Variants in CMTM8 observed in about 807,000 individuals in gnomAD.
CMTM8 encodes CKLF-like MARVEL transmembrane domain-containing protein 8.
A neutral mutation model predicts 18.6 loss-of-function variants in CMTM8; 12 were observed. That is an observed-to-expected ratio of 0.65 (90% CI 0.41 to 1.05). The LOEUF (loss-of-function observed/expected upper bound fraction) is 1.05, where lower values mean the gene tolerates loss of function less well. Ranked by LOEUF, CMTM8 falls within the 50% of genes least tolerant of loss-of-function variation. The probability of loss-of-function intolerance (pLI) is 0.00; values close to 1 mark genes in which losing one functional copy is unlikely to be tolerated. For missense variants in CMTM8, 217 were observed against 227.2 expected, an observed-to-expected ratio of 0.95 and a Z score of 0.29; for synonymous variants, 87 against 90.6, an observed-to-expected ratio of 0.96 and a Z score of 0.23.
At chr3:32,250,872 C>T (rs1053526104) in intron 1 of CMTM8, among the ~76,000 whole-genome samples, 6 of 152,084 alleles carry the variant, frequency 3.9e-5, no homozygotes, top group African/African-American at 1.4e-4. Flanking sequence ...GGATTACAGC[C>T]GTCAGCCATC....
At chr3:32,314,866 G>C (rs1010842059) in intron 1 of CMTM8, among the ~76,000 whole-genome samples, 1 of 148,640 alleles carries the variant, frequency 6.7e-6, no homozygotes, top group Non-Finnish European at 1.5e-5. Context: ...GGCGGGGGGG[G>C]TCCAACTGAG....
chr3:32,361,286 G>GTTTTTTTTTTGTTTTTTTTTTGT (rs58364646), intron 2 of CMTM8, among the ~76,000 whole-genome samples: 1,835 of 86,902 alleles, frequency 0.021, 80 homozygotes, highest in African/African-American at 0.069. Flanking sequence ...CAGCCTAAGA[G>GTTTTTTTTTTGTTTTTTTTTTGT]TTTTTTTTTC....
At chr3:32,240,412 A>T (rs1301242152) in intron 1 of CMTM8, among the ~76,000 whole-genome samples, 1 of 152,230 alleles carries the variant, frequency 6.6e-6, no homozygotes, top group Non-Finnish European at 1.5e-5. Flanking sequence ...GGAGTTCAAC[A>T]AATATTTGCT....
chr3:32,347,292 C>A (rs1208015206), intron 1 of CMTM8, among the ~76,000 whole-genome samples: 1 of 88,486 alleles, frequency 1.1e-5, no homozygotes, highest in East Asian at 5.0e-4. Context: ...GTTTTTTTTG[C>A]TTAGGTTTTT....
At chr3:32,338,830 T>C (rs1696438412) in intron 1 of CMTM8, among the ~76,000 whole-genome samples, 1 of 152,256 alleles carries the variant, frequency 6.6e-6, no homozygotes. Flanking sequence ...TGAGCAGTTC[T>C]GGCTCAGGTG....
intron 1 of CMTM8, among the ~76,000 whole-genome samples, chr3:32,295,480 A>AAAAAAAAAAAAAAAAAAG (rs1702861842): frequency 9.0e-6 from 1 of 111,106 alleles, no homozygotes; most frequent in Non-Finnish European, 1.7e-5. Flanking sequence ...AAAAAAAAAC[A>AAAAAAAAAAAAAAAAAAG]AAACAAAACA....
intron 1 of CMTM8, among the ~76,000 whole-genome samples, chr3:32,277,585 G>A (rs1391040836): frequency 6.6e-6 from 1 of 151,898 alleles, no homozygotes; most frequent in Non-Finnish European, 1.5e-5. Context: ...AGAGTTTGCG[G>A]GAACTGTGTT....
chr3:32,350,306 C>T (rs1327736566), intron 1 of CMTM8, among the ~76,000 whole-genome samples: 2 of 151,624 alleles, frequency 1.3e-5, no homozygotes, highest in African/African-American at 4.8e-5. Context: ...CCTTAGAACT[C>T]AGCTTTCTTA....
chr3:32,358,202 G>A lies in CMTM8; in HGVS notation c.321+656G>A, dbSNP rs1046948329. Among the ~76,000 whole-genome samples, 1 of 152,220 alleles carries A rather than the reference G, an allele frequency of 6.6e-6. No individual in the cohort carries two copies. The highest frequency in any genetic ancestry group is 2.4e-5 in the African/African-American group (1 of 41,450). ...ACTGCAGTGAAGCTGTGTAGAAAGT[G>A]TGATGGAGGCTGCCACCTCAGCTTA... On this transcript the variant is annotated intron_variant, in intron 2 of 3. Transcript: ENST00000307526. The surrounding 1 kb of genome is among the most constrained non-coding windows in gnomAD (Gnocchi z 4.1).
intron 1 of CMTM8, among the ~76,000 whole-genome samples, chr3:32,286,263 A>C (rs1317602499): frequency 6.6e-6 from 1 of 152,152 alleles, no homozygotes; most frequent in Non-Finnish European, 1.5e-5. Flanking sequence ...TGCAAATTAA[A>C]AATAATTTTT....
intron 3 of CMTM8, among the ~76,000 whole-genome samples, chr3:32,369,552 A>G (rs1431649490): frequency 2.6e-5 from 4 of 152,126 alleles, no homozygotes; most frequent in Non-Finnish European, 5.9e-5. Flanking sequence ...CACTGTAGCA[A>G]TCCGAGATTG....
At chr3:32,351,728 T>C (rs1400629517) in intron 1 of CMTM8, among the ~76,000 whole-genome samples, 5 of 145,550 alleles carry the variant, frequency 3.4e-5, no homozygotes, top group Non-Finnish European at 7.6e-5. Flanking sequence ...AAAAAATATG[T>C]AAAAACTTAA....
intron 1 of CMTM8, among the ~76,000 whole-genome samples, chr3:32,262,147 G>A (rs1042466185): frequency 1.3e-5 from 2 of 152,120 alleles, no homozygotes; most frequent in Non-Finnish European, 2.9e-5. Context: ...TGCGAGTCAT[G>A]ATATCACATG....
chr3:32,287,098 C>CT (rs765527698), intron 1 of CMTM8, among the ~76,000 whole-genome samples: 5 of 152,190 alleles, frequency 3.3e-5, no homozygotes, highest in Non-Finnish European at 5.9e-5. Flanking sequence ...ATAGCTGTTC[C>CT]TTTTTTTGTC....
chr3:32,295,455 C>CAAAAAAAAAAAAAAAAA (rs1400148634), intron 1 of CMTM8, among the ~76,000 whole-genome samples: 3 of 27,550 alleles, frequency 1.1e-4, no homozygotes, highest in African/African-American at 1.3e-4. Context: ...GACTCCATCT[C>CAAAAAAAAAAAAAAAAA]AAAAAAAAAA....
chr3:32,260,505 C>T (rs191949810), intron 1 of CMTM8, among the ~76,000 whole-genome samples: 3 of 152,222 alleles, frequency 2.0e-5, no homozygotes, highest in African/African-American at 2.4e-5. Context: ...ATTCCCTTAC[C>T]TGGATTGCTT....
chr3:32,250,906 T>A (rs1325096698), intron 1 of CMTM8, among the ~76,000 whole-genome samples: 1 of 152,204 alleles, frequency 6.6e-6, no homozygotes, highest in South Asian at 2.1e-4. Context: ...AAATGAGTTC[T>A]ATATCCTTTC....
chr3:32,338,145 A>AT (rs2125587848), intron 1 of CMTM8, among the ~76,000 whole-genome samples: 1 of 151,976 alleles, frequency 6.6e-6, no homozygotes, highest in East Asian at 1.9e-4. Flanking sequence ...CACCACGCCC[A>AT]GCTAATTTTT....
At chr3:32,367,829 A>G in intron 2 of CMTM8, 43 bp from the exon 3 acceptor site, 37 of 1,301,654 alleles carry the variant, frequency 2.8e-5, no homozygotes, top group Non-Finnish European at 3.9e-5. Context: ...AGGTATGCAG[A>G]CCCTCCCCTC....
Sources: allele counts gnomAD v4.1 joint callset (sites outside exome capture counted in the v4.1 genomes callset), GRCh38; gene constraint gnomAD v4.1.1; non-coding constraint Gnocchi (gnomAD v3.1); transcripts MANE v1.5; gene names NCBI Gene and HGNC (gene_info 2026-07-23, HGNC 2026-07-21).